Variants in ZNF263 observed in about 807,000 individuals in gnomAD.
ZNF263 encodes the protein zinc finger protein 263.
In ZNF263, 49 loss-of-function variants were observed where a neutral mutation model predicts 63.1. That is an observed-to-expected ratio of 0.78 (90% CI 0.62 to 0.99). The LOEUF (loss-of-function observed/expected upper bound fraction) is 0.99, where lower values mean the gene tolerates loss of function less well. ZNF263 is among the 50% of genes least tolerant of loss of function. ZNF263 has a pLI of 0.00. For missense variants in ZNF263, 872 were observed against 854.8 expected (o/e 1.02, Z -0.25); for synonymous variants, 352 against 324.2 (o/e 1.09, Z -0.92).
At chr16:3,299,241 T>C in intron 2 of ZNF263, 1 of 1,611,482 alleles carries the variant, frequency 6.2e-7, no homozygotes, top group Non-Finnish European at 8.5e-7. Flanking sequence ...CAACTTCCTT[T>C]GTTATTCCAC....
chr16:3,283,859 T>C lies in ZNF263; in HGVS notation c.41T>C (p.Leu14Pro). 1.9e-6 allele frequency: 3 copies of C among 1,602,248 alleles called. No individual in the cohort carries two copies. The highest frequency in any genetic ancestry group is 1.7e-6 in the Non-Finnish European group (2 of 1,175,440). Residue 14 changes from leucine (L) to proline (P), a missense_variant, in exon 1 of 6, where the codon CTG becomes CCG. By Grantham distance (98) the Leu-to-Pro change is moderately conservative (BLOSUM62 -3). Transcript: ENST00000219069. ...GGCTCCCAGGAACGGGAAGGGCTCCTGATAGTGAAGCTGGAGGAGGACTGC... is the reference window on the plus strand; with the variant it reads ...GGCTCCCAGGAACGGGAAGGGCTCCCGATAGTGAAGCTGGAGGAGGACTGC... The part of the protein sequence containing the change: ...GPGSQEREGL[L>P]IVKLEEDCAW...
chr16:3,284,018 A>G lies in ZNF263; in HGVS notation c.200A>G (p.His67Arg). The change falls in exon 1 of 6, where the codon CAT (histidine) becomes CGT (arginine). Residue 67 changes from histidine (H) to arginine (R), a missense_variant. Physicochemically the swap from His to Arg is conservative, Grantham distance 29. Transcript: ENST00000219069. ...CTCAGCCGGCTCCAAGAGCTTTGCCATGGGTGGCTTCGGCCTGAGATGCGC... is the reference window on the plus strand; with the variant it reads ...CTCAGCCGGCTCCAAGAGCTTTGCCGTGGGTGGCTTCGGCCTGAGATGCGC... ...EALSRLQELC[H>R]GWLRPEMRTK... 1.9e-6 allele frequency: 3 copies of G among 1,613,848 alleles called. No homozygotes were observed. Among genetic ancestry groups the G allele is most frequent in the Admixed American group, 1.7e-5 (1 of 60,006 alleles).
chr16:3,293,514 G>T (rs1175976359), downstream of ZNF263: 3 of 152,246 alleles, frequency 2.0e-5, no homozygotes, highest in African/African-American at 7.2e-5. Context: ...TCTTGTAAAA[G>T]AAGCCAAAAC....
chr16:3,300,224 T>C (rs773631527), intron 2 of ZNF263: 11 of 1,614,112 alleles, frequency 6.8e-6, no homozygotes, highest in South Asian at 3.3e-5. Flanking sequence ...GCATGCCGAT[T>C]TCGAAATCTA....
chr16:3,287,402 G>A (rs1421886067), intron 4 of ZNF263, among the ~76,000 whole-genome samples: 4 of 145,058 alleles, frequency 2.8e-5, no homozygotes, highest in East Asian at 2.0e-4. Context: ...CACCACACCC[G>A]GCCTTTTTTT....
intron 1 of ZNF263, among the ~76,000 whole-genome samples, chr16:3,296,823 T>C (rs1407353813): frequency 6.6e-6 from 1 of 152,168 alleles, no homozygotes; most frequent in East Asian, 1.9e-4. Context: ...AAATGAAAAC[T>C]GCACTTACAA....
chr16:3,294,352 T>C (rs1413349566), downstream of ZNF263, among the ~76,000 whole-genome samples: 2 of 152,248 alleles, frequency 1.3e-5, no homozygotes, highest in African/African-American at 4.8e-5. Flanking sequence ...TTGAAACAAC[T>C]AAGTCACGTA....
rs944726875 is a variant in ZNF263, at chr16:3,284,269, C to T, written c.387+64C>T. The T allele has an allele frequency of 1.7e-5, 24 of 1,446,058 alleles. No individual in the cohort carries two copies. In the Admixed American group the frequency reaches 5.0e-4, roughly 30 times the overall value. The allele number at this position is 1,446,058 out of a possible 1,614,324, so 89.6% of individuals were successfully genotyped here. Reference sequence around the variant, plus strand: ...TAGCCCTGAGCACTGGGACATTGCGCCCCCGGTCGAATTCAAGTAAATTGC... The same window carrying T: ...TAGCCCTGAGCACTGGGACATTGCGTCCCCGGTCGAATTCAAGTAAATTGC... On this transcript the variant is annotated intron_variant, in intron 1 of 5. Coordinates refer to ENST00000219069, the MANE Select transcript of ZNF263 (RefSeq NM_005741.5).
chr16:3,293,088 G>C (rs559895980), downstream of ZNF263: 1 of 152,178 alleles, frequency 6.6e-6, no homozygotes, highest in South Asian at 2.1e-4. Flanking sequence ...GGTCTGATAC[G>C]GTTCGGCTCT....
chr16:3,295,965 A>ACG (rs1409965661), downstream of ZNF263, among the ~76,000 whole-genome samples: 1 of 152,204 alleles, frequency 6.6e-6, no homozygotes, highest in Non-Finnish European at 1.5e-5. Context: ...CCCCAAGGCA[A>ACG]CGGTCCAGGG....
chr16:3,288,410 A>G (rs371243020), intron 4 of ZNF263, 44 bp from the exon 5 acceptor site: 40 of 1,412,754 alleles, frequency 2.8e-5, no homozygotes, highest in Non-Finnish European at 3.9e-5. Context: ...ACCCTGGTAG[A>G]GGAAAGTGGC....
At position 3,290,204 on chromosome 16, in the gene ZNF263, AG is replaced by A; in HGVS notation, c.1699del (p.Ala567ProfsTer12). 1 of 1,614,154 alleles carries A rather than the reference AG, an allele frequency of 6.2e-7. No individual in the cohort carries two copies. The highest frequency in any genetic ancestry group is 8.5e-7 in the Non-Finnish European group (1 of 1,180,040). ...DSTPFLTNHG[A>X]HKAEKKLFEC... Reference sequence around the variant, plus strand: ...GCACCCCCTTTCTTACAAACCATGGAGCCCATAAGGCAGAGAAGAAGCTCTT... The same window carrying A: ...GCACCCCCTTTCTTACAAACCATGGACCCATAAGGCAGAGAAGAAGCTCTT... On this transcript the variant is annotated frameshift_variant, in exon 6 of 6. Transcript: ENST00000219069. LOFTEE classifies it high-confidence loss of function.
rs747182693 is a variant in ZNF263, at chr16:3,290,137, G to A, written c.1631G>A (p.Arg544Lys). The A allele has an allele frequency of 2.5e-6, 4 of 1,613,952 alleles. No homozygotes were observed. The highest frequency in any genetic ancestry group is 3.4e-6 in the Non-Finnish European group (4 of 1,180,014). The part of the protein sequence containing the change: ...VIHERTHERE[R>K]LYPFSECGEA... Reference sequence around the variant, plus strand: ...CACGAAAGAACTCATGAGAGAGAGAGACTTTACCCCTTCTCTGAGTGTGGG... The same window carrying A: ...CACGAAAGAACTCATGAGAGAGAGAAACTTTACCCCTTCTCTGAGTGTGGG... Residue 544 changes from arginine (R) to lysine (K), a missense_variant, in exon 6 of 6, where the codon AGA becomes AAA. Coordinates refer to ENST00000219069, the MANE Select transcript of ZNF263 (RefSeq NM_005741.5).
rs1047461644 is a variant in ZNF263, at chr16:3,289,924, G to A, written c.1418G>A (p.Cys473Tyr). 1.2e-6 allele frequency: 2 copies of A among 1,614,106 alleles called. No individual in the cohort carries two copies. Among genetic ancestry groups the A allele is most frequent in the Non-Finnish European group, 8.5e-7 (1 of 1,180,018 alleles). ...AACATTTGCGGAAAATGTTTCTCCT[G>A]CAACTCCAACCTCCACAGGCACCAG... ...QCNICGKCFS[C>Y]NSNLHRHQRT... Residue 473 changes from cysteine (C) to tyrosine (Y), a missense_variant, in exon 6 of 6, where the codon TGC becomes TAC. By Grantham distance (194) the Cys-to-Tyr change is radical. Coordinates refer to ENST00000219069, the MANE Select transcript of ZNF263 (RefSeq NM_005741.5).
Position 3,284,207 on chromosome 16 carries a change from T to TGAGAGAGAGA in ZNF263, c.387+8_387+17dup, listed in dbSNP as rs142708827. The TGAGAGAGAGA allele has an allele frequency of 2.0e-6, 3 of 1,514,254 alleles. No individual in the cohort carries two copies. Among genetic ancestry groups the TGAGAGAGAGA allele is most frequent in the Admixed American group, 2.1e-5 (1 of 46,778 alleles). 93.8% of individuals were successfully genotyped at this position (1,514,254 alleles called of 1,614,324 possible). ...GAGCTTGGGAGACTGAGACAACAGG[T>TGAGAGAGAGA]GAGAGAGAGAGAGAGCTGTTTTATC... On this transcript the variant is annotated splice_region_variant and intron_variant, in intron 1 of 5. Coordinates refer to ENST00000219069, the MANE Select transcript of ZNF263 (RefSeq NM_005741.5).
Position 3,290,931 on chromosome 16 carries a change from T to A in ZNF263, c.*373T>A. On this transcript the variant is annotated 3_prime_UTR_variant, in exon 6 of 6. Transcript: ENST00000219069. ...GATGTTTTTGATACTTCTTCCTCAT[T>A]TGGGACATTCAGTAGGAGCATTTGG... is the stretch of plus-strand genomic sequence containing the variant. 9.9e-7 allele frequency: 1 copy of A among 1,009,290 alleles called. No homozygotes were observed. 62.5% of individuals were successfully genotyped at this position (1,009,290 alleles called of 1,614,324 possible).
intron 2 of ZNF263, 52 bp downstream of exon 2, chr16:3,285,291 C>T (rs756109777): frequency 5.3e-5 from 82 of 1,538,456 alleles, no homozygotes; most frequent in Non-Finnish European, 7.1e-5. Flanking sequence ...TTGGGGGTTG[C>T]CCCCGACACT....
At chr16:3,291,830 C>A (rs149581887), downstream of ZNF263, among the ~76,000 whole-genome samples, 331 of 152,298 alleles carry the variant, frequency 2.2e-3, 1 homozygote, top group Non-Finnish European at 3.2e-3. Flanking sequence ...ATATTTTGGT[C>A]TTGCAACTGA....
chr16:3,285,824 C>A, intron 3 of ZNF263, 70 bp downstream of exon 3: 1 of 1,580,930 alleles, frequency 6.3e-7, no homozygotes, highest in Non-Finnish European at 8.7e-7. Flanking sequence ...TGGGGGTTCT[C>A]CATGTGGAAG....
Sources: allele counts gnomAD v4.1 joint callset (sites outside exome capture counted in the v4.1 genomes callset), GRCh38; gene constraint gnomAD v4.1.1; transcripts MANE v1.5; gene names NCBI Gene and HGNC (gene_info 2026-07-23, HGNC 2026-07-21).